GOLGB1: variants seen among roughly 807,000 people sequenced by gnomAD.
The protein encoded by GOLGB1 is golgin B1, also known as golgin subfamily B member 1.
Under a neutral mutation model 336.9 loss-of-function variants are expected in GOLGB1, and 174 were observed. The observed-to-expected ratio is 0.52, with a 90% CI of 0.46 to 0.59. The LOEUF (loss-of-function observed/expected upper bound fraction) is 0.59. GOLGB1 is among the 20% of genes least tolerant of loss of function. GOLGB1 has a pLI of 0.00. For synonymous variants in GOLGB1, 1,208 were observed against 1,289.2 expected, an observed-to-expected ratio of 0.94 and a Z score of 1.35; for missense variants, 3,331 against 3,645.3, an observed-to-expected ratio of 0.91 and a Z score of 2.22.
chr3:121,674,563 T>C (rs2107609878), intron 17 of GOLGB1, among the ~76,000 whole-genome samples: 1 of 152,342 alleles, frequency 6.6e-6, no homozygotes, highest in South Asian at 2.1e-4. Flanking sequence ...GGGCCAACTA[T>C]AAATATAAAA....
At chr3:121,717,550 A>G (rs1944875049) in intron 8 of GOLGB1, among the ~76,000 whole-genome samples, 1 of 152,250 alleles carries the variant, frequency 6.6e-6, no homozygotes, top group African/African-American at 2.4e-5. Flanking sequence ...GAATTCAATG[A>G]GAATGAAGAT....
intron 5 of GOLGB1, among the ~76,000 whole-genome samples, chr3:121,724,014 T>A (rs1945372302): frequency 6.6e-6 from 1 of 152,190 alleles, no homozygotes; most frequent in Non-Finnish European, 1.5e-5. Flanking sequence ...TTCTTATAAA[T>A]TACCCAGTTT....
intron 5 of GOLGB1, among the ~76,000 whole-genome samples, chr3:121,726,433 C>CAAAAAAAAAAAAAAAAAAAAGAAAAAAA (rs1945609064): frequency 1.6e-5 from 1 of 61,422 alleles, no homozygotes; most frequent in Non-Finnish European, 2.9e-5. Flanking sequence ...CACCCTGTCT[C>CAAAAAAAAAAAAAAAAAAAAGAAAAAAA]AAAAAAAAAA....
chr3:121,731,356 T>G (rs1946099889), intron 1 of GOLGB1, among the ~76,000 whole-genome samples: 1 of 151,966 alleles, frequency 6.6e-6, no homozygotes, highest in Admixed American at 6.6e-5. Context: ...CATGAATTTC[T>G]TTTTTCTTTT....
chr3:121,696,190 G>T lies in GOLGB1; in HGVS notation c.4333C>A (p.His1445Asn). 1 of 1,613,892 alleles carries T rather than the reference G, an allele frequency of 6.2e-7. No homozygotes were observed. Among genetic ancestry groups the T allele is most frequent in the Non-Finnish European group, 8.5e-7 (1 of 1,179,876 alleles). ...TTGGCTTGCATTTCTAGCTGTGTAT[G>T]CAGAGCCTTAATTAAATCTTCTTGT... is the stretch of plus-strand genomic sequence containing the variant. ...IEQEDLIKAL[H>N]TQLEMQAKEH... The change falls in exon 13 of 22, where the codon CAT becomes AAT. Residue 1445 changes from histidine (H) to asparagine (N), a missense_variant. By Grantham distance (68) the His-to-Asn change is moderately conservative. Coordinates refer to ENST00000614479, the MANE Select transcript of GOLGB1 (RefSeq NM_001366282.2).
intron 20 of GOLGB1, among the ~76,000 whole-genome samples, chr3:121,666,514 T>G (rs1253044765): frequency 1.3e-5 from 2 of 152,152 alleles, no homozygotes; most frequent in African/African-American, 4.8e-5. Context: ...CACAAGGCAT[T>G]AAGCAAAGCT....
intron 2 of GOLGB1, among the ~76,000 whole-genome samples, chr3:121,730,477 A>G (rs1946009920): frequency 6.6e-6 from 1 of 152,202 alleles, no homozygotes; most frequent in South Asian, 2.1e-4. Context: ...TACAATACAA[A>G]CTATAGGAGA....
At position 121,692,511 on chromosome 3, in the gene GOLGB1, C is replaced by T. The variant is rs1942530304; in HGVS notation, c.6853G>A (p.Asp2285Asn). ...TEVQLQQKVC[D>N]TLQGENKELL... ...TCTTTGTTTTCCCCCTGTAGAGTAT[C>T]ACAGACCTTCTGCTGAAGCTGGACC... Residue 2285 changes from aspartate (D) to asparagine (N), a missense_variant, in exon 14 of 22, where the codon GAT becomes AAT. Transcript: ENST00000614479. The T allele has an allele frequency of 3.7e-6, 6 of 1,612,360 alleles. No individual in the cohort carries two copies. The highest frequency in any genetic ancestry group is 5.1e-6 in the Non-Finnish European group (6 of 1,179,544).
chr3:121,744,921 A>G (rs1299189593), intron 1 of GOLGB1, among the ~76,000 whole-genome samples: 1 of 152,148 alleles, frequency 6.6e-6, no homozygotes, highest in East Asian at 1.9e-4. Context: ...CTGGCTCAAT[A>G]AGAAGCTGCA....
chr3:121,694,515 T>C lies in GOLGB1; in HGVS notation c.6008A>G (p.Gln2003Arg), dbSNP rs1942763631. ...KEYLEKIQGA[Q>R]KEPGNKSHAK... Reference sequence around the variant, plus strand: ...ATGGCTTTTATTTCCGGGTTCTTTCTGAGCACCTTGTATTTTCTCCAAATA... The same window carrying C: ...ATGGCTTTTATTTCCGGGTTCTTTCCGAGCACCTTGTATTTTCTCCAAATA... The change falls in exon 13 of 22, where the codon CAG becomes CGG. Residue 2003 changes from glutamine (Q) to arginine (R), a missense_variant. Coordinates refer to ENST00000614479, the MANE Select transcript of GOLGB1 (RefSeq NM_001366282.2). 3 of 1,612,130 alleles carry C rather than the reference T, an allele frequency of 1.9e-6. No individual in the cohort carries two copies. Among genetic ancestry groups the C allele is most frequent in the Non-Finnish European group, 2.5e-6 (3 of 1,179,780 alleles).
At chr3:121,704,282 C>T (rs186734056) in intron 10 of GOLGB1, among the ~76,000 whole-genome samples, 2 of 151,878 alleles carry the variant, frequency 1.3e-5, no homozygotes, top group African/African-American at 2.4e-5. Flanking sequence ...ACGTTATATA[C>T]GTAAGAAACT....
chr3:121,701,913 A>C (rs890818956), intron 11 of GOLGB1, among the ~76,000 whole-genome samples: 8 of 152,172 alleles, frequency 5.3e-5, no homozygotes, highest in Non-Finnish European at 5.9e-5. Context: ...AAGCACAAAA[A>C]AATCATTTAA....
chr3:121,737,375 G>A (rs961334045), intron 1 of GOLGB1, among the ~76,000 whole-genome samples: 4 of 152,186 alleles, frequency 2.6e-5, no homozygotes, highest in Non-Finnish European at 4.4e-5. Flanking sequence ...AGCAGGGGCC[G>A]GGCGTGGTGG....
chr3:121,689,081 G>A (rs973491456), intron 14 of GOLGB1, among the ~76,000 whole-genome samples: 8 of 139,148 alleles, frequency 5.7e-5, no homozygotes, highest in South Asian at 4.7e-4. Context: ...TCAGCCCCCC[G>A]CCCGGCCAGC....
chr3:121,720,498 T>C (rs1001549146), intron 6 of GOLGB1, among the ~76,000 whole-genome samples: 2 of 152,256 alleles, frequency 1.3e-5, no homozygotes, highest in Admixed American at 1.3e-4. Flanking sequence ...CTCCTTAAGA[T>C]CTATGGTGGA....
rs773346566 is a variant in GOLGB1, at chr3:121,664,610, C to T, written c.9665G>A (p.Arg3222Gln). Residue 3222 changes from arginine to glutamine, a missense_variant, in exon 22 of 22, where the codon CGG (arginine) becomes CAG (glutamine). Physicochemically the swap from Arg to Gln is conservative, Grantham distance 43. Coordinates refer to ENST00000614479, the MANE Select transcript of GOLGB1 (RefSeq NM_001366282.2). ...GACTCGCTTCCATCCAACGCCACTC[C>T]GGGTCTGAAAGAAAAATGTGAAAGT... is the stretch of plus-strand genomic sequence containing the variant. ...DLTSNSCRRT[R>Q]SGVGWKRVLR... The T allele has an allele frequency of 1.5e-4, 238 of 1,613,766 alleles. No homozygotes were observed. The highest frequency in any genetic ancestry group is 6.7e-5 in the Admixed American group (4 of 60,000).
At chr3:121,702,647 C>T in intron 10 of GOLGB1, 52 bp from the exon 11 acceptor site, 1 of 812,750 alleles carries the variant, frequency 1.2e-6, no homozygotes, top group Non-Finnish European at 1.8e-6. Flanking sequence ...AAAATTCTCA[C>T]ACTAACGCCC....
At position 121,691,739 on chromosome 3, in the gene GOLGB1, C is replaced by T. The variant is rs771460885; in HGVS notation, c.7625G>A (p.Arg2542Lys). The change falls in exon 14 of 22, where the codon AGA becomes AAA. Residue 2542 changes from arginine (R) to lysine (K), a missense_variant. Physicochemically the swap from Arg to Lys is conservative, Grantham distance 26 (BLOSUM62 2). Coordinates refer to ENST00000614479, the MANE Select transcript of GOLGB1 (RefSeq NM_001366282.2). ...AKLDAELIQY[R>K]EDLNQVITIK... ...TGTTATCACTTGGTTCAGGTCTTCTCTATATTGGATCAGTTCTGCATCTAG... is the reference window on the plus strand; with the variant it reads ...TGTTATCACTTGGTTCAGGTCTTCTTTATATTGGATCAGTTCTGCATCTAG... 6.2e-7 allele frequency: 1 copy of T among 1,613,738 alleles called. No homozygotes were observed. The highest frequency in any genetic ancestry group is 8.5e-7 in the Non-Finnish European group (1 of 1,179,858).
chr3:121,732,935 C>T (rs1946213567), intron 1 of GOLGB1, among the ~76,000 whole-genome samples: 1 of 152,134 alleles, frequency 6.6e-6, no homozygotes, highest in Non-Finnish European at 1.5e-5. Flanking sequence ...ACTGTCTCAA[C>T]TAGCAAAATG....
Sources: allele counts gnomAD v4.1 joint callset (sites outside exome capture counted in the v4.1 genomes callset), GRCh38; gene constraint gnomAD v4.1.1; transcripts MANE v1.5; gene names NCBI Gene and HGNC (gene_info 2026-07-23, HGNC 2026-07-21).